DPF3: variants seen among roughly 807,000 people sequenced by gnomAD.
DPF3 encodes the protein zinc finger protein DPF3.
DPF3 carries 18 observed loss-of-function variants against 56.8 expected under a neutral mutation model. The observed-to-expected ratio is 0.32, with a 90% CI of 0.22 to 0.47. The LOEUF is 0.47. DPF3 is among the 20% of genes least tolerant of loss of function. The pLI is 1.00. For missense variants in DPF3, 403 were observed against 488.8 expected (o/e 0.82, Z 1.65); for synonymous variants, 188 against 180.2 (o/e 1.04, Z -0.35).
At chr14:72,748,742 G>T (rs1280731578) in intron 3 of DPF3, among the ~76,000 whole-genome samples, 1 of 152,234 alleles carries the variant, frequency 6.6e-6, no homozygotes, top group African/African-American at 2.4e-5. Flanking sequence ...GCTGAAAGGG[G>T]CCAACATAGA....
chr14:72,654,106 C>T (rs541968976), intron 8 of DPF3, among the ~76,000 whole-genome samples: 90 of 152,286 alleles, frequency 5.9e-4, no homozygotes, highest in African/African-American at 2.1e-3. Context: ...TCGTGGCCAG[C>T]CTCCTCCTTC....
At chr14:72,884,443 C>T (rs1419148259) in intron 1 of DPF3, among the ~76,000 whole-genome samples, 1 of 152,144 alleles carries the variant, frequency 6.6e-6, no homozygotes, top group African/African-American at 2.4e-5. Flanking sequence ...CTACAGGAAA[C>T]TTTTAGTTCT....
intron 5 of DPF3, among the ~76,000 whole-genome samples, chr14:72,719,812 G>A (rs1889092368): frequency 6.6e-6 from 1 of 152,126 alleles, no homozygotes; most frequent in Non-Finnish European, 1.5e-5. Context: ...AGAAACTGAG[G>A]CCCAGGGTAC....
At chr14:72,865,595 G>C (rs1885628928) in intron 1 of DPF3, among the ~76,000 whole-genome samples, 1 of 152,200 alleles carries the variant, frequency 6.6e-6, no homozygotes, top group Non-Finnish European at 1.5e-5. Context: ...TCTGCCATAG[G>C]AAGAAATGGA....
chr14:72,850,063 G>A lies in DPF3; in HGVS notation c.32+43994C>T, dbSNP rs565220513. On this transcript the variant is annotated intron_variant, in intron 1 of 10. Coordinates refer to ENST00000556509, the MANE Select transcript of DPF3 (RefSeq NM_001280542.3). The stretch of plus-strand genomic sequence containing the variant: ...GAACCCAGGAGGTGGAGGTTGCAGT[G>A]AGCCGAGATCATACCACTGCACTCC... Among the ~76,000 whole-genome samples, 219 of 152,166 alleles carry A rather than the reference G, an allele frequency of 1.4e-3. 1 individual carries two copies. The highest frequency in any genetic ancestry group is 2.3e-3 in the Non-Finnish European group (155 of 68,012).
chr14:72,836,982 G>T (rs1884323497), intron 1 of DPF3, among the ~76,000 whole-genome samples: 1 of 152,072 alleles, frequency 6.6e-6, no homozygotes, highest in Admixed American at 6.5e-5. Context: ...CAATTCTCCT[G>T]CCTCAGCCTC....
At chr14:72,730,932 G>T (rs985576846) in intron 4 of DPF3, among the ~76,000 whole-genome samples, 1 of 152,134 alleles carries the variant, frequency 6.6e-6, no homozygotes, top group African/African-American at 2.4e-5. Flanking sequence ...ACTCTGGGAG[G>T]CTGAGGCAGG....
rs10140820 is a variant in DPF3 at position 72,703,081 on chromosome 14, T to G, written c.605-9868A>C. 9.1e-3 allele frequency among the ~76,000 whole-genome samples: 1,391 copies of G among 152,200 alleles called. 28 individuals carry two copies. The highest frequency in any genetic ancestry group is 0.031 in the African/African-American group (1,292 of 41,516). On this transcript the variant is annotated intron_variant, in intron 6 of 10. Coordinates refer to ENST00000556509, the MANE Select transcript of DPF3 (RefSeq NM_001280542.3). ...CCTTTGCATTCTAGCACTTCACAAC[T>G]CTCTGTAGGTCCTGAAGCTATTATC...
chr14:72,884,987 C>G (rs1414410392), intron 1 of DPF3, among the ~76,000 whole-genome samples: 49 of 48,094 alleles, frequency 1.0e-3, no homozygotes, highest in Non-Finnish European at 1.6e-3. Flanking sequence ...GGGCGTAAGG[C>G]GGGCGCCTGC....
Position 72,892,577 on chromosome 14 carries a change from A to G in DPF3, c.32+1480T>C, listed in dbSNP as rs1428618216. 3 of 1,298,550 alleles carry G rather than the reference A, an allele frequency of 2.3e-6. No homozygotes were observed. In the Admixed American group the frequency reaches 1.1e-4, roughly 48 times the overall value. The allele number at this position is 1,298,550 out of a possible 1,614,324, so 80.4% of individuals were successfully genotyped here. A position where few individuals can be genotyped will look rare whatever the true frequency, so the allele number is the denominator to read the frequency against. The stretch of plus-strand genomic sequence containing the variant: ...TTCTCCCTGTGCATTCCTTTGCGTT[A>G]GGAACCCCCTACCGTCCCCGGGAGC... On this transcript the variant is annotated intron_variant, in intron 1 of 10. Transcript: ENST00000556509.
At chr14:72,739,083 A>G (rs1188578196) in intron 3 of DPF3, among the ~76,000 whole-genome samples, 1 of 152,008 alleles carries the variant, frequency 6.6e-6, no homozygotes, top group Non-Finnish European at 1.5e-5. Context: ...CTACCAAAAA[A>G]ACACAAAAAT....
intron 1 of DPF3, among the ~76,000 whole-genome samples, chr14:72,793,799 A>C (rs1450131531): frequency 6.6e-6 from 1 of 152,208 alleles, no homozygotes; most frequent in Non-Finnish European, 1.5e-5. Flanking sequence ...AGCAGTCCAG[A>C]TGTGGGAGCC....
intron 1 of DPF3, among the ~76,000 whole-genome samples, chr14:72,803,336 G>A (rs1014002609): frequency 6.6e-6 from 1 of 152,212 alleles, no homozygotes; most frequent in South Asian, 2.1e-4. Context: ...CAAAAAAGCT[G>A]CTTATGGCTG....
At chr14:72,796,811 G>C (rs933720935) in intron 1 of DPF3, among the ~76,000 whole-genome samples, 1 of 152,024 alleles carries the variant, frequency 6.6e-6, no homozygotes, top group African/African-American at 2.4e-5. Context: ...TATCATTGTC[G>C]ATAGTTGAGT....
intron 4 of DPF3, among the ~76,000 whole-genome samples, chr14:72,728,616 C>T (rs1320646230): frequency 1.3e-5 from 2 of 152,034 alleles, no homozygotes; most frequent in African/African-American, 2.4e-5. Context: ...ATGTCAGAGA[C>T]GGGAAGAACT....
chr14:72,796,703 A>G (rs1412850619), intron 1 of DPF3, among the ~76,000 whole-genome samples: 4 of 152,024 alleles, frequency 2.6e-5, no homozygotes, highest in Admixed American at 6.6e-5. Context: ...TATTATTCCT[A>G]TTTTCCTAGA....
chr14:72,861,574 G>A (rs1287278689), intron 1 of DPF3, among the ~76,000 whole-genome samples: 3 of 152,150 alleles, frequency 2.0e-5, no homozygotes, highest in East Asian at 1.9e-4. Context: ...GACCTCCTAT[G>A]TGAGTGCTTG....
At chr14:72,708,448 C>A (rs1888510074) in intron 6 of DPF3, among the ~76,000 whole-genome samples, 1 of 152,204 alleles carries the variant, frequency 6.6e-6, no homozygotes, top group Non-Finnish European at 1.5e-5. Flanking sequence ...CATCCAAGGA[C>A]CTGCAAGACA....
intron 7 of DPF3, among the ~76,000 whole-genome samples, chr14:72,690,607 A>ACATG (rs1841530559): frequency 6.6e-6 from 1 of 151,402 alleles, no homozygotes; most frequent in Non-Finnish European, 1.5e-5. Flanking sequence ...CGCACACACA[A>ACATG]CATGCACGCA....
Sources: gnomAD v4.1 joint callset for allele counts (sites outside exome capture counted in the v4.1 genomes callset) on GRCh38, gnomAD v4.1.1 for gene constraint, MANE v1.5 for transcripts, NCBI Gene and HGNC (gene_info 2026-07-23, HGNC 2026-07-21) for gene names.